The following NEK7 variants were observed in gnomAD, a reference collection of about 807,000 sequenced individuals.
The protein encoded by NEK7 is serine/threonine-protein kinase Nek7.
In NEK7, 18 loss-of-function variants were observed where a neutral mutation model predicts 44.6. The observed-to-expected ratio is 0.40, with a 90% confidence interval of 0.28 to 0.60. The LOEUF (loss-of-function observed/expected upper bound fraction) is 0.60. Ranked by LOEUF, NEK7 falls within the 20% of genes least tolerant of loss-of-function variation. NEK7 has a pLI of 0.38. For synonymous variants in NEK7, 130 were observed against 121.1 expected (o/e 1.07, Z -0.48); for missense variants, 256 against 366.5 (o/e 0.70, Z 2.46).
At chr1:198,295,453 GA>G (rs1217646668) in intron 8 of NEK7, among the ~76,000 whole-genome samples, 1 of 152,140 alleles carries the variant, frequency 6.6e-6, no homozygotes, top group Non-Finnish European at 1.5e-5. Flanking sequence ...CAGCTGCTGG[GA>G]GGAGAGGGCG....
intron 1 of NEK7, among the ~76,000 whole-genome samples, chr1:198,191,159 A>T (rs967012500): frequency 6.6e-6 from 1 of 152,054 alleles, no homozygotes; most frequent in Admixed American, 6.6e-5. Context: ...TGTGGCTATT[A>T]CAAACTGTGC....
chr1:198,194,534 T>G (rs1203125146), intron 1 of NEK7, among the ~76,000 whole-genome samples: 1 of 152,162 alleles, frequency 6.6e-6, no homozygotes, highest in Non-Finnish European at 1.5e-5. Context: ...GATCTCATCA[T>G]TTAGGTCCCA....
At chr1:198,304,751 T>C (rs1314252437) in intron 9 of NEK7, among the ~76,000 whole-genome samples, 1 of 152,184 alleles carries the variant, frequency 6.6e-6, no homozygotes, top group Non-Finnish European at 1.5e-5. Flanking sequence ...TTTAGAAATA[T>C]ACAGATCGAA....
intron 1 of NEK7, among the ~76,000 whole-genome samples, chr1:198,223,945 A>T (rs1395154009): frequency 6.6e-6 from 1 of 152,214 alleles, no homozygotes; most frequent in African/African-American, 2.4e-5. Flanking sequence ...GCAAAGGGCA[A>T]GATAGACCAT....
At chr1:198,266,498 A>G (rs1653660342) in intron 5 of NEK7, among the ~76,000 whole-genome samples, 1 of 152,078 alleles carries the variant, frequency 6.6e-6, no homozygotes, top group African/African-American at 2.4e-5. Context: ...AAAACTATAT[A>G]CCTGCAGTTG....
At chr1:198,164,622 A>C (rs937139047) in intron 1 of NEK7, among the ~76,000 whole-genome samples, 3 of 152,226 alleles carry the variant, frequency 2.0e-5, no homozygotes, top group Non-Finnish European at 4.4e-5. Flanking sequence ...ATACATAATT[A>C]AAAAATATTT....
Position 198,229,737 on chromosome 1 carries a change from A to T in NEK7, c.-28-2816A>T, listed in dbSNP as rs575953733. On this transcript the variant is annotated intron_variant, in intron 1 of 9. Transcript: ENST00000367385. ...CTTTTTTCACTCTTTTTAAGTTTACATTCAATATGAGAAATTTATTCAGAA... is the reference window on the plus strand; with the variant it reads ...CTTTTTTCACTCTTTTTAAGTTTACTTTCAATATGAGAAATTTATTCAGAA... Among the ~76,000 whole-genome samples the T allele has an allele frequency of 6.6e-5, 10 of 152,352 alleles. No homozygotes were observed. In the East Asian group the frequency reaches 1.4e-3, roughly 21 times the overall value.
intron 1 of NEK7, among the ~76,000 whole-genome samples, chr1:198,216,591 TA>T (rs1210338206): frequency 6.6e-6 from 1 of 151,528 alleles, no homozygotes; most frequent in Non-Finnish European, 1.5e-5. Flanking sequence ...AGGGCAGAAC[TA>T]AATGAAATTA....
Position 198,288,194 on chromosome 1 carries a change from A to G in NEK7, c.590-4751A>G, listed in dbSNP as rs58740678. On this transcript the variant is annotated intron_variant, in intron 7 of 9. Coordinates refer to ENST00000367385, the MANE Select transcript of NEK7 (RefSeq NM_133494.3). Reference sequence around the variant, plus strand: ...TGGTTGAGAGCTGTAAAGGCAGCATATGTTCAGTCAGTACTATAGGCTGCT... The same window carrying G: ...TGGTTGAGAGCTGTAAAGGCAGCATGTGTTCAGTCAGTACTATAGGCTGCT... Among the ~76,000 whole-genome samples the G allele has an allele frequency of 9.4e-3, 1,430 of 152,310 alleles. 22 individuals carry two copies. Among genetic ancestry groups the G allele is most frequent in the African/African-American group, 0.032 (1,338 of 41,560 alleles).
chr1:198,241,758 T>A (rs1424196867), intron 2 of NEK7, among the ~76,000 whole-genome samples: 2 of 152,196 alleles, frequency 1.3e-5, no homozygotes, highest in Non-Finnish European at 2.9e-5. Flanking sequence ...CTCAGTTTTC[T>A]TATTAGTAAA....
chr1:198,192,981 CAG>C (rs1665121492), intron 1 of NEK7, among the ~76,000 whole-genome samples: 1 of 149,916 alleles, frequency 6.7e-6, no homozygotes, highest in African/African-American at 2.4e-5. Flanking sequence ...CTGAAGAAGA[CAG>C]AGACATGAAA....
At chr1:198,189,937 G>A (rs1455868394) in intron 1 of NEK7, among the ~76,000 whole-genome samples, 3 of 152,054 alleles carry the variant, frequency 2.0e-5, no homozygotes, top group Non-Finnish European at 4.4e-5. Context: ...AGAGAGGAGG[G>A]TCATTATTTT....
In NEK7 at chr1:198,319,553, G is replaced by A; in HGVS notation, c.*31G>A. 3.2e-6 allele frequency: 5 copies of A among 1,568,394 alleles called. No individual in the cohort carries two copies. The highest frequency in any genetic ancestry group is 4.3e-6 in the Non-Finnish European group (5 of 1,157,182). ...CAAGATCATGAAGAGTGTAACCAAA[G>A]TAATTGAAAGTATTTTGTGCAAGTC... On this transcript the variant is annotated 3_prime_UTR_variant, in exon 10 of 10. Coordinates refer to ENST00000367385, the MANE Select transcript of NEK7 (RefSeq NM_133494.3).
chr1:198,252,998 A>G lies in NEK7; in HGVS notation c.58-42A>G, dbSNP rs547008629. On this transcript the variant is annotated intron_variant, in intron 2 of 9. Coordinates refer to ENST00000367385, the MANE Select transcript of NEK7 (RefSeq NM_133494.3). Reference sequence around the variant, plus strand: ...ATCAGTGATTGTGTGTATTGCGTGTATATTGTGTGATTGAAAATTTTTCTG... The same window carrying G: ...ATCAGTGATTGTGTGTATTGCGTGTGTATTGTGTGATTGAAAATTTTTCTG... 4 of 1,555,996 alleles carry G rather than the reference A, an allele frequency of 2.6e-6. No homozygotes were observed. In the African/African-American group the frequency reaches 4.1e-5, roughly 16 times the overall value.
intron 1 of NEK7, among the ~76,000 whole-genome samples, chr1:198,189,856 G>C (rs182312155): frequency 6.6e-6 from 1 of 152,136 alleles, no homozygotes; most frequent in African/African-American, 2.4e-5. Flanking sequence ...TGTTGGATGT[G>C]AATAAAGAAT....
chr1:198,202,820 A>G (rs1475802743), intron 1 of NEK7, among the ~76,000 whole-genome samples: 2 of 152,146 alleles, frequency 1.3e-5, no homozygotes, highest in African/African-American at 4.8e-5. Flanking sequence ...CGCACACCAC[A>G]TGGGAATTAT....
At chr1:198,229,737 A>G (rs575953733) in intron 1 of NEK7, among the ~76,000 whole-genome samples, 1 of 152,234 alleles carries the variant, frequency 6.6e-6, no homozygotes, top group Admixed American at 6.5e-5. Flanking sequence ...TTAAGTTTAC[A>G]TTCAATATGA....
At chr1:198,181,327 A>G (rs1037265283) in intron 1 of NEK7, among the ~76,000 whole-genome samples, 30 of 152,178 alleles carry the variant, frequency 2.0e-4, no homozygotes, top group Admixed American at 1.5e-3. Context: ...GTGTCTTAGG[A>G]GTTAATCATG....
At chr1:198,229,130 C>G (rs980433247) in intron 1 of NEK7, among the ~76,000 whole-genome samples, 1 of 152,110 alleles carries the variant, frequency 6.6e-6, no homozygotes, top group Non-Finnish European at 1.5e-5. Flanking sequence ...TTGATCATAT[C>G]TTTTTTGTCC....
Sources: allele counts gnomAD v4.1 joint callset (sites outside exome capture counted in the v4.1 genomes callset), GRCh38; gene constraint gnomAD v4.1.1; transcripts MANE v1.5; gene names NCBI Gene and HGNC (gene_info 2026-07-23, HGNC 2026-07-21).